Variants in TMTC2 observed in about 807,000 individuals in gnomAD.
TMTC2 encodes transmembrane O-mannosyltransferase targeting cadherins 2.
In TMTC2, 43 loss-of-function variants were observed where a neutral mutation model predicts 82.4. The ratio of observed to expected loss-of-function variants is 0.52; its 90% CI spans 0.41 to 0.67. The LOEUF (loss-of-function observed/expected upper bound fraction) is 0.67. Among genes scored for constraint, TMTC2 ranks in the 30% least tolerant of loss-of-function variants. TMTC2 has a pLI of 0.00. For missense variants in TMTC2, 919 were observed against 1,012.4 expected (o/e 0.91, Z 1.25); for synonymous variants, 408 against 381.9 (o/e 1.07, Z -0.80).
chr12:82,975,701 A>C (rs990916368), intron 7 of TMTC2, among the ~76,000 whole-genome samples: 1 of 150,958 alleles, frequency 6.6e-6, no homozygotes, highest in Admixed American at 6.7e-5. Context: ...CATGAAATGT[A>C]TTCCTAAAAG....
At chr12:82,949,079 T>A (rs1877200113) in intron 4 of TMTC2, among the ~76,000 whole-genome samples, 1 of 152,228 alleles carries the variant, frequency 6.6e-6, no homozygotes, top group Non-Finnish European at 1.5e-5. Flanking sequence ...TCTAACTACA[T>A]TGAGTTTTAC....
At chr12:82,871,681 C>G (rs1232225080) in intron 2 of TMTC2, among the ~76,000 whole-genome samples, 3 of 142,104 alleles carry the variant, frequency 2.1e-5, no homozygotes, top group South Asian at 2.3e-4. Flanking sequence ...CTCTGCTCAT[C>G]TGTGTGTGTG....
chr12:82,975,900 A>ATT (rs1565835768), intron 7 of TMTC2, among the ~76,000 whole-genome samples: 17,441 of 146,094 alleles, frequency 0.12, 1,364 homozygotes, highest in African/African-American at 0.23. Context: ...TTTTTTTTAA[A>ATT]AAAAAAATAA....
At chr12:82,785,921 G>C (rs1237081985) in intron 1 of TMTC2, among the ~76,000 whole-genome samples, 1 of 152,100 alleles carries the variant, frequency 6.6e-6, no homozygotes, top group African/African-American at 2.4e-5. Flanking sequence ...ATTTAAGTAT[G>C]TTGAAATTCT....
At chr12:82,784,860 T>C (rs1252295102) in intron 1 of TMTC2, among the ~76,000 whole-genome samples, 1 of 151,882 alleles carries the variant, frequency 6.6e-6, no homozygotes, top group East Asian at 1.9e-4. Context: ...TGAGTTTCAC[T>C]GATTTCCTTG....
At chr12:82,784,762 C>G (rs943795258) in intron 1 of TMTC2, among the ~76,000 whole-genome samples, 4 of 152,186 alleles carry the variant, frequency 2.6e-5, no homozygotes, top group Non-Finnish European at 5.9e-5. Flanking sequence ...TTTAATTTTT[C>G]CAGCGTATTT....
chr12:82,716,835 T>A (rs1435222081), intron 1 of TMTC2, among the ~76,000 whole-genome samples: 3 of 152,202 alleles, frequency 2.0e-5, no homozygotes, highest in Non-Finnish European at 4.4e-5. Flanking sequence ...AGCCAAGACT[T>A]AAGGTTAGTG....
At chr12:82,936,966 G>A (rs1038247313) in intron 4 of TMTC2, among the ~76,000 whole-genome samples, 3 of 152,100 alleles carry the variant, frequency 2.0e-5, no homozygotes, top group Non-Finnish European at 4.4e-5. Context: ...CTAGTAATGA[G>A]TATTAGGATA....
chr12:83,091,390 T>G (rs1416175279), intron 11 of TMTC2, among the ~76,000 whole-genome samples: 1 of 152,184 alleles, frequency 6.6e-6, no homozygotes, highest in Non-Finnish European at 1.5e-5. Context: ...TCCTTACATA[T>G]TTTTTTACTT....
At chr12:82,704,224 G>A (rs962150057) in intron 1 of TMTC2, among the ~76,000 whole-genome samples, 1 of 152,022 alleles carries the variant, frequency 6.6e-6, no homozygotes, top group Non-Finnish European at 1.5e-5. Context: ...AGCATCTTAA[G>A]TTTAAATTTT....
intron 1 of TMTC2, among the ~76,000 whole-genome samples, chr12:82,689,260 C>T (rs910469702): frequency 1.3e-5 from 2 of 151,302 alleles, no homozygotes; most frequent in Non-Finnish European, 2.9e-5. Context: ...CTGTTGGGGG[C>T]GGTTTGAATA....
chr12:82,934,538 TC>T (rs1227064493), intron 4 of TMTC2, among the ~76,000 whole-genome samples: 1 of 152,150 alleles, frequency 6.6e-6, no homozygotes, highest in African/African-American at 2.4e-5. Flanking sequence ...ATCATCCATG[TC>T]CCTGCAAAGG....
intron 7 of TMTC2, among the ~76,000 whole-genome samples, chr12:82,984,164 A>G (rs1161165164): frequency 1.3e-5 from 2 of 152,080 alleles, no homozygotes; most frequent in South Asian, 2.1e-4. Flanking sequence ...TTCCTTAGAC[A>G]TATAATTTAA....
intron 11 of TMTC2, among the ~76,000 whole-genome samples, chr12:83,105,031 A>C (rs916823185): frequency 2.6e-5 from 4 of 152,140 alleles, no homozygotes; most frequent in Non-Finnish European, 2.9e-5. Flanking sequence ...CTGAAGTTCA[A>C]ATTTCACAGA....
intron 8 of TMTC2, among the ~76,000 whole-genome samples, chr12:83,006,379 CTCT>C (rs1453751841): frequency 1.3e-5 from 2 of 152,180 alleles, no homozygotes; most frequent in Admixed American, 1.3e-4. Context: ...CTTTTCCCTC[CTCT>C]TCTTAGGATA....
intron 7 of TMTC2, among the ~76,000 whole-genome samples, chr12:82,969,551 T>C (rs1047315174): frequency 6.6e-6 from 1 of 152,204 alleles, no homozygotes; most frequent in African/African-American, 2.4e-5. Context: ...AGTCCTTTGA[T>C]TTTAATCTCC....
intron 4 of TMTC2, among the ~76,000 whole-genome samples, chr12:82,941,862 C>T (rs1300426881): frequency 2.6e-5 from 4 of 152,008 alleles, no homozygotes; most frequent in African/African-American, 7.2e-5. Context: ...CAGGTTCAAG[C>T]GATTCTCCTG....
At chr12:82,887,226 A>C (rs1474062540) in intron 2 of TMTC2, among the ~76,000 whole-genome samples, 2 of 152,200 alleles carry the variant, frequency 1.3e-5, no homozygotes, top group Non-Finnish European at 2.9e-5. Context: ...GTTCATTGAG[A>C]CTAAAATATT....
chr12:83,042,239 C>G (rs1223769597), intron 9 of TMTC2, among the ~76,000 whole-genome samples: 2 of 152,158 alleles, frequency 1.3e-5, no homozygotes, highest in Non-Finnish European at 2.9e-5. Context: ...CATTACTGCT[C>G]TAACTCAGTC....
Sources: gnomAD v4.1 joint callset for allele counts (sites outside exome capture counted in the v4.1 genomes callset) on GRCh38, gnomAD v4.1.1 for gene constraint, MANE v1.5 for transcripts, NCBI Gene and HGNC (gene_info 2026-07-23, HGNC 2026-07-21) for gene names.